Variants in FAM227A observed in about 807,000 individuals in gnomAD.
FAM227A encodes the protein family with sequence similarity 227 member A, also known as protein FAM227A.
Under a neutral mutation model 74.7 loss-of-function variants are expected in FAM227A, and 80 were observed. That is an observed-to-expected ratio of 1.07 (90% CI 0.89 to 1.29). The LOEUF (loss-of-function observed/expected upper bound fraction) is 1.29. FAM227A is among the 50% of genes most tolerant of loss of function. FAM227A has a pLI of 0.00. For missense variants in FAM227A, 654 were observed against 683.4 expected (o/e 0.96, Z 0.48); for synonymous variants, 237 against 241.8 (o/e 0.98, Z 0.19).
At chr22:38,626,865 CAAAA>C (rs67498232) in intron 8 of FAM227A, among the ~76,000 whole-genome samples, 2 of 16,798 alleles carry the variant, frequency 1.2e-4, no homozygotes, top group Admixed American at 1.2e-3. Context: ...GACTCTGTCT[CAAAA>C]AAAAAAAAAA....
Position 38,628,922 on chromosome 22 carries a change from C to T in FAM227A, c.533G>A (p.Gly178Asp). 1 of 1,528,314 alleles carries T rather than the reference C, an allele frequency of 6.5e-7. No homozygotes were observed. The highest frequency in any genetic ancestry group is 8.8e-7 in the Non-Finnish European group (1 of 1,133,868). 94.7% of individuals were successfully genotyped at this position (1,528,314 alleles called of 1,614,324 possible). The change falls in exon 7 of 17, where the codon GGT becomes GAT. Residue 178 changes from glycine to aspartate, a missense_variant. Gly to Asp is a moderately conservative substitution (Grantham distance 94). Coordinates refer to ENST00000535113, the MANE Select transcript of FAM227A (RefSeq NM_001013647.2). ...AGAGAGAAACTTCTCTAATTCTCTA[C>T]CTGAACAGAAATGCTTGGAAAAAAA... ...DCLSGKHFCSGRELEKFLSSS... is the reference protein window; with the variant it reads ...DCLSGKHFCSDRELEKFLSSS...
At chr22:38,627,185 C>A (rs543941552) in intron 8 of FAM227A, among the ~76,000 whole-genome samples, 70 of 151,752 alleles carry the variant, frequency 4.6e-4, no homozygotes, top group African/African-American at 1.6e-3. Context: ...TATATACATA[C>A]ATATATACCT....
intron 3 of FAM227A, among the ~76,000 whole-genome samples, chr22:38,644,019 C>T (rs59759728): frequency 0.046 from 6,989 of 151,536 alleles, 269 homozygotes; most frequent in East Asian, 0.11. Context: ...TGGTGGCGGG[C>T]GCCTGTAGTT....
In FAM227A at chr22:38,582,953, TAAC is replaced by T; in HGVS notation, c.*3169_*3171del. 1 of 1,550,224 alleles carries T rather than the reference TAAC, an allele frequency of 6.5e-7. No individual in the cohort carries two copies. Among genetic ancestry groups the T allele is most frequent in the Non-Finnish European group, 8.7e-7 (1 of 1,146,908 alleles). On this transcript the variant is annotated 3_prime_UTR_variant, in exon 17 of 17. Transcript: ENST00000535113. ...AGCAGGAATTAGTGATGTTGGCAGT[TAAC>T]AAAGAGGAGGGAGGAGAAGGCATTT...
intron 13 of FAM227A, among the ~76,000 whole-genome samples, chr22:38,602,708 A>G (rs758909067): frequency 3.3e-5 from 5 of 152,172 alleles, no homozygotes; most frequent in African/African-American, 9.7e-5. Flanking sequence ...AAAGCCTACG[A>G]AAGTCCAGCA....
intron 1 of FAM227A, 69 bp from the exon 2 acceptor site, chr22:38,650,331 G>T: frequency 1.5e-6 from 1 of 648,772 alleles, no homozygotes; most frequent in Non-Finnish European, 2.6e-6. Context: ...ATGTTCCCCA[G>T]CTACACAGGG....
chr22:38,635,654 C>A (rs2091989304), intron 6 of FAM227A, among the ~76,000 whole-genome samples: 1 of 152,150 alleles, frequency 6.6e-6, no homozygotes, highest in South Asian at 2.1e-4. Context: ...TACTCACCCC[C>A]AGAGGCATGA....
At chr22:38,639,304 G>A (rs887868791) in intron 4 of FAM227A, among the ~76,000 whole-genome samples, 1 of 151,934 alleles carries the variant, frequency 6.6e-6, no homozygotes, top group African/African-American at 2.4e-5. Context: ...AGCTACTCAG[G>A]AGGCTGAGGC....
chr22:38,648,971 C>CAA (rs55894604), intron 2 of FAM227A, among the ~76,000 whole-genome samples: 5 of 128,924 alleles, frequency 3.9e-5, no homozygotes, highest in African/African-American at 8.8e-5. Flanking sequence ...GACTCTGTCT[C>CAA]AAAAAAAAAA....
chr22:38,640,670 C>T (rs545879036), intron 3 of FAM227A, among the ~76,000 whole-genome samples: 1 of 152,324 alleles, frequency 6.6e-6, no homozygotes, highest in Non-Finnish European at 1.5e-5. Context: ...CAAATCAGCA[C>T]TCGTGGAACA....
chr22:38,588,892 C>T (rs1431632691), intron 16 of FAM227A, among the ~76,000 whole-genome samples: 1 of 144,978 alleles, frequency 6.9e-6, no homozygotes, highest in African/African-American at 2.6e-5. Context: ...CGCGCCACTG[C>T]ACTCCAGCCT....
intron 6 of FAM227A, among the ~76,000 whole-genome samples, chr22:38,631,039 G>C (rs780606549): frequency 6.6e-6 from 1 of 152,098 alleles, no homozygotes; most frequent in Admixed American, 6.5e-5. Context: ...GTGGTGATGC[G>C]CATCTATAAT....
At position 38,599,851 on chromosome 22, in the gene FAM227A, A is replaced by AAGT. The variant is rs1471521838; in HGVS notation, c.1291_1292insACT (p.Ile431delinsAsnPhe). 6.4e-7 allele frequency: 1 copy of AAGT among 1,551,654 alleles called. No homozygotes were observed. The highest frequency in any genetic ancestry group is 8.7e-7 in the Non-Finnish European group (1 of 1,146,968). Reference sequence around the variant, plus strand: ...GGCATAGTTCTGGAGAAAGTACACAATCAGAGGGCTCTTCCCATAAATGTT... The same window carrying AAGT: ...GGCATAGTTCTGGAGAAAGTACACAAAGTTCAGAGGGCTCTTCCCATAAATGTT... On this transcript the variant is annotated protein_altering_variant, in exon 14 of 17. Coordinates refer to ENST00000535113, the MANE Select transcript of FAM227A (RefSeq NM_001013647.2).
chr22:38,612,827 T>C (rs775102197), intron 11 of FAM227A, among the ~76,000 whole-genome samples: 1 of 151,404 alleles, frequency 6.6e-6, no homozygotes, highest in Non-Finnish European at 1.5e-5. Context: ...AGAGGCAGTA[T>C]GGTTTGGCCA....
intron 11 of FAM227A, among the ~76,000 whole-genome samples, chr22:38,619,525 T>C (rs748839453): frequency 3.9e-5 from 6 of 152,160 alleles, no homozygotes; most frequent in Non-Finnish European, 7.3e-5. Context: ...GGTTTCACCA[T>C]GTGGACCAGA....
At chr22:38,600,150 CAAG>C (rs2091140714) in intron 13 of FAM227A, among the ~76,000 whole-genome samples, 1 of 151,850 alleles carries the variant, frequency 6.6e-6, no homozygotes, top group Non-Finnish European at 1.5e-5. Context: ...CTTAAATGTT[CAAG>C]AAGACATTGA....
Position 38,582,876 on chromosome 22 carries a change from A to G in FAM227A, c.*3249T>C, listed in dbSNP as rs1454278797. The G allele has an allele frequency of 1.3e-6, 2 of 1,550,562 alleles. No individual in the cohort carries two copies. The highest frequency in any genetic ancestry group is 1.7e-6 in the Non-Finnish European group (2 of 1,147,000). On this transcript the variant is annotated 3_prime_UTR_variant, in exon 17 of 17. Coordinates refer to ENST00000535113, the MANE Select transcript of FAM227A (RefSeq NM_001013647.2). ...CTTGTGCCTACCTTGCTCCTGGTAT[A>G]TTAGGGAAGGCTCCCAAGATGAGGG...
chr22:38,601,439 CA>C (rs2091176436), intron 13 of FAM227A, among the ~76,000 whole-genome samples: 1 of 136,556 alleles, frequency 7.3e-6, no homozygotes, highest in Non-Finnish European at 1.5e-5. Context: ...AGGTGGCTCA[CA>C]GGGGTGGGGG....
At position 38,583,290 on chromosome 22, in the gene FAM227A, A is replaced by G. The variant is rs997719324; in HGVS notation, c.*2835T>C. 9.5e-5 allele frequency: 18 copies of G among 188,778 alleles called. No homozygotes were observed. Among genetic ancestry groups the G allele is most frequent in the Admixed American group, 5.1e-4 (9 of 17,790 alleles). The allele number at this position is 188,778 out of a possible 1,614,324, so 11.7% of individuals were successfully genotyped here. A position where few individuals can be genotyped will look rare whatever the true frequency, so the allele number is the denominator to read the frequency against. ...CGGGTTCAAGTGATTCTCCTGCCTCAGCCTCCTGAGTAGCTGAGGTTACAG... is the reference window on the plus strand; with the variant it reads ...CGGGTTCAAGTGATTCTCCTGCCTCGGCCTCCTGAGTAGCTGAGGTTACAG... On this transcript the variant is annotated 3_prime_UTR_variant, in exon 17 of 17. Transcript: ENST00000535113.
Sources: gnomAD v4.1 joint callset for allele counts (sites outside exome capture counted in the v4.1 genomes callset) on GRCh38, gnomAD v4.1.1 for gene constraint, MANE v1.5 for transcripts, NCBI Gene and HGNC (gene_info 2026-07-23, HGNC 2026-07-21) for gene names.